FHOD3: variants seen among roughly 807,000 people sequenced by gnomAD.
FHOD3 encodes FH1/FH2 domain-containing protein 3.
Under a neutral mutation model 173.0 loss-of-function variants are expected in FHOD3, and 90 were observed. The ratio of observed to expected loss-of-function variants is 0.52; its 90% CI spans 0.44 to 0.62. FHOD3 has a LOEUF of 0.62. Among genes scored for constraint, FHOD3 ranks in the 20% least tolerant of loss-of-function variants. The pLI, the probability that FHOD3 is intolerant of heterozygous loss-of-function variation, is 0.00. For missense variants in FHOD3, 1,945 were observed against 2,034.7 expected, an observed-to-expected ratio of 0.96 and a Z score of 0.85; for synonymous variants, 828 against 823.0, an observed-to-expected ratio of 1.01 and a Z score of -0.10.
chr18:36,347,048 T>C (rs928434875), intron 1 of FHOD3, among the ~76,000 whole-genome samples: 1 of 152,166 alleles, frequency 6.6e-6, no homozygotes, highest in African/African-American at 2.4e-5. Context: ...GTGTGTGGCA[T>C]GGACACAGTG....
intron 3 of FHOD3, among the ~76,000 whole-genome samples, chr18:36,441,496 G>A (rs1403722359): frequency 6.6e-6 from 1 of 152,222 alleles, no homozygotes; most frequent in Non-Finnish European, 1.5e-5. Flanking sequence ...ATTGGGTCCA[G>A]AAGGCTTCAG....
intron 9 of FHOD3, among the ~76,000 whole-genome samples, chr18:36,623,202 G>A (rs1160883854): frequency 6.6e-6 from 1 of 152,214 alleles, no homozygotes; most frequent in Non-Finnish European, 1.5e-5. Flanking sequence ...TTCACTTCAT[G>A]CACACTGTGT....
intron 19 of FHOD3, 64 bp downstream of exon 19, chr18:36,718,779 G>A: frequency 6.5e-7 from 1 of 1,532,468 alleles, no homozygotes; most frequent in Non-Finnish European, 8.7e-7. Context: ...GATTCGTTCT[G>A]TATAAAATAC....
At chr18:36,545,200 G>A (rs571133136) in intron 5 of FHOD3, among the ~76,000 whole-genome samples, 1 of 152,280 alleles carries the variant, frequency 6.6e-6, no homozygotes, top group South Asian at 2.1e-4. Context: ...TGCCAGGACT[G>A]GGCATACAGT....
intron 3 of FHOD3, among the ~76,000 whole-genome samples, chr18:36,438,852 T>C (rs1261654618): frequency 1.3e-5 from 2 of 152,208 alleles, no homozygotes; most frequent in Non-Finnish European, 2.9e-5. Context: ...CCAGTTCTGA[T>C]CCTGGACTGA....
chr18:36,437,954 G>T (rs1014364402), intron 3 of FHOD3, among the ~76,000 whole-genome samples: 1 of 151,974 alleles, frequency 6.6e-6, no homozygotes, highest in African/African-American at 2.4e-5. Flanking sequence ...GAGCCACCGC[G>T]CCTGGCCGAG....
At chr18:36,666,855 A>G (rs1015946674) in intron 14 of FHOD3, among the ~76,000 whole-genome samples, 17 of 152,206 alleles carry the variant, frequency 1.1e-4, no homozygotes, top group African/African-American at 4.1e-4. Flanking sequence ...CCTGACCACA[A>G]TGGAGATAAT....
chr18:36,653,282 T>G, intron 12 of FHOD3, 60 bp from the exon 13 acceptor site: 1 of 1,316,412 alleles, frequency 7.6e-7, no homozygotes, highest in Non-Finnish European at 1.0e-6. Context: ...GAAGAATGTA[T>G]CAAAGTCCTT....
intron 2 of FHOD3, among the ~76,000 whole-genome samples, chr18:36,368,446 TC>T (rs1164831088): frequency 6.6e-6 from 1 of 152,106 alleles, no homozygotes; most frequent in Non-Finnish European, 1.5e-5. Context: ...GGAGCACACA[TC>T]TGGGGGGCAG....
At chr18:36,561,412 G>A (rs566202530) in intron 5 of FHOD3, among the ~76,000 whole-genome samples, 7 of 152,246 alleles carry the variant, frequency 4.6e-5, no homozygotes, top group African/African-American at 1.2e-4. Flanking sequence ...ATACCTGTTT[G>A]TGCACAAGGA....
Position 36,747,005 on chromosome 18 carries a change from T to A in FHOD3, c.4102T>A (p.Trp1368Arg). ...GATGGAGAGAAGATGCAAAGCTTCATGGGATCACCTCAAGGCAATTGCAAA... is the reference window on the plus strand; with the variant it reads ...GATGGAGAGAAGATGCAAAGCTTCAAGGGATCACCTCAAGGCAATTGCAAA... The part of the protein sequence containing the change: ...CQMERRCKAS[W>R]DHLKAIAKHE... Residue 1368 changes from tryptophan to arginine, a missense_variant, in exon 24 of 29, where the codon TGG (tryptophan) becomes AGG (arginine). Transcript: ENST00000590592. 6.2e-7 allele frequency: 1 copy of A among 1,613,466 alleles called. No homozygotes were observed. Among genetic ancestry groups the A allele is most frequent in the South Asian group, 1.1e-5 (1 of 90,784 alleles).
chr18:36,404,284 G>T (rs2048959139), intron 3 of FHOD3, among the ~76,000 whole-genome samples: 1 of 152,158 alleles, frequency 6.6e-6, no homozygotes, highest in South Asian at 2.1e-4. Context: ...ATATCCCCTG[G>T]GATGTTGGTT....
intron 8 of FHOD3, 72 bp downstream of exon 8, chr18:36,602,840 T>G: frequency 1.7e-6 from 2 of 1,154,288 alleles, no homozygotes; most frequent in Non-Finnish European, 2.6e-6. Flanking sequence ...CCCTGGTATC[T>G]GTGCTTGTGG....
intron 6 of FHOD3, among the ~76,000 whole-genome samples, chr18:36,587,216 T>C (rs564641629): frequency 3.6e-4 from 55 of 152,286 alleles, no homozygotes; most frequent in African/African-American, 1.3e-3. Context: ...TTTCTTCTCA[T>C]TGTTGTCATG....
At chr18:36,561,868 C>G (rs1219912534) in intron 5 of FHOD3, among the ~76,000 whole-genome samples, 1 of 151,944 alleles carries the variant, frequency 6.6e-6, no homozygotes, top group Non-Finnish European at 1.5e-5. Context: ...TACACAAAAC[C>G]AATATGATTA....
At chr18:36,603,954 G>A (rs1301550314) in intron 8 of FHOD3, among the ~76,000 whole-genome samples, 1 of 152,166 alleles carries the variant, frequency 6.6e-6, no homozygotes, top group African/African-American at 2.4e-5. Context: ...AGGAATCCTG[G>A]GGGTAGGTCC....
intron 5 of FHOD3, among the ~76,000 whole-genome samples, chr18:36,536,838 C>T (rs1296406052): frequency 6.6e-6 from 1 of 152,116 alleles, no homozygotes; most frequent in African/African-American, 2.4e-5. Flanking sequence ...ATACAAATGC[C>T]CAAAGAATAT....
At chr18:36,534,914 C>T (rs988717129) in intron 5 of FHOD3, among the ~76,000 whole-genome samples, 6 of 152,216 alleles carry the variant, frequency 3.9e-5, no homozygotes, top group Admixed American at 3.9e-4. Context: ...TCAGGAACAT[C>T]TGCCTAAGTT....
chr18:36,774,868 T>C (rs1392314871), intron 28 of FHOD3, among the ~76,000 whole-genome samples: 1 of 152,176 alleles, frequency 6.6e-6, no homozygotes, highest in Non-Finnish European at 1.5e-5. Context: ...CTGCTTAGTC[T>C]CCTCTAATCT....
Sources: allele counts gnomAD v4.1 joint callset (sites outside exome capture counted in the v4.1 genomes callset), GRCh38; gene constraint gnomAD v4.1.1; transcripts MANE v1.5; gene names NCBI Gene and HGNC (gene_info 2026-07-23, HGNC 2026-07-21).